WNT5B: variants seen among roughly 807,000 people sequenced by gnomAD.
The protein encoded by WNT5B is protein Wnt-5b.
Under a neutral mutation model 36.5 loss-of-function variants are expected in WNT5B, and 18 were observed. The observed-to-expected ratio is 0.49, with a 90% confidence interval of 0.34 to 0.73. WNT5B has a LOEUF of 0.73. WNT5B is among the 30% of genes least tolerant of loss of function. WNT5B has a pLI of 0.01. For missense variants in WNT5B, 424 were observed against 508.4 expected (o/e 0.83, Z 1.60); for synonymous variants, 213 against 212.3 (o/e 1.00, Z -0.03).
rs2094555857 is a variant in WNT5B at position 1,633,974 on chromosome 12, G to A, written c.328+1069G>A. On this transcript the variant is annotated intron_variant, in intron 3 of 4. Coordinates refer to ENST00000397196, the MANE Select transcript of WNT5B (RefSeq NM_032642.3). This position sits in a 1 kb window ranked among gnomAD's most constrained non-coding sequence, Gnocchi z 4.8. ...TAATCCCAGCACCTTGGGAGGCTGA[G>A]GCAGGAGGATTCCTTGAGGCCAGGA... Among the ~76,000 whole-genome samples the A allele has an allele frequency of 6.6e-6, 1 of 152,196 alleles. No individual in the cohort carries two copies. Among genetic ancestry groups the A allele is most frequent in the Non-Finnish European group, 1.5e-5 (1 of 68,038 alleles).
In WNT5B at chr12:1,622,338, T is replaced by G. The variant is rs187377517; in HGVS notation, c.-58+5195T>G. On this transcript the variant is annotated intron_variant, in intron 1 of 4. Transcript: ENST00000310594. ...TGTACTTTTCTGGGCAGGTTTTCTG[T>G]TTTCCCCAGCTAGACCAATGCACCT... Among the ~76,000 whole-genome samples the G allele has an allele frequency of 3.3e-5, 5 of 152,228 alleles. No individual in the cohort carries two copies. In the East Asian group the frequency reaches 9.7e-4, roughly 29 times the overall value.
At chr12:1,639,587 A>G in intron 3 of WNT5B, 97 bp from the exon 4 acceptor site, 1 of 1,346,592 alleles carries the variant, frequency 7.4e-7, no homozygotes, top group Non-Finnish European at 9.7e-7. Context: ...GTGTCAGCAG[A>G]GCCGTGGCGT....
chr12:1,643,654 C>T (rs2094579711), intron 4 of WNT5B, among the ~76,000 whole-genome samples: 1 of 150,566 alleles, frequency 6.6e-6, no homozygotes, highest in Non-Finnish European at 1.5e-5. Context: ...GCATAAGCCA[C>T]CATGCCCGGC....
chr12:1,622,829 A>G (rs913702066), intron 1 of WNT5B, among the ~76,000 whole-genome samples: 1 of 152,236 alleles, frequency 6.6e-6, no homozygotes, highest in Non-Finnish European at 1.5e-5. Context: ...TCCATGTCAC[A>G]TTAAATGCTG....
At chr12:1,620,704 AATTTT>A (rs1253835770) in intron 1 of WNT5B, among the ~76,000 whole-genome samples, 26 of 120,298 alleles carry the variant, frequency 2.2e-4, no homozygotes, top group Non-Finnish European at 2.2e-4. Context: ...ACACCCAGCA[AATTTT>A]TTTTTTTTTT....
chr12:1,622,246 G>A (rs562886834), intron 1 of WNT5B, among the ~76,000 whole-genome samples: 18 of 152,030 alleles, frequency 1.2e-4, no homozygotes, highest in East Asian at 3.9e-4. Context: ...GAGTCGCTGG[G>A]ACTACAGGCG....
chr12:1,619,161 T>A, intron 1 of WNT5B, among the ~76,000 whole-genome samples: 1 of 111,748 alleles, frequency 8.9e-6, no homozygotes, highest in Non-Finnish European at 1.7e-5. Flanking sequence ...TTTCTTCTCC[T>A]GCAAGCCAGA....
chr12:1,619,692 C>T (rs1406558077), intron 1 of WNT5B, among the ~76,000 whole-genome samples: 1 of 152,110 alleles, frequency 6.6e-6, no homozygotes, highest in East Asian at 1.9e-4. Flanking sequence ...GCCATATCCT[C>T]ATTTCCTGGA....
In WNT5B at chr12:1,646,157, G is replaced by T; in HGVS notation, c.985G>T (p.Val329Leu). 6.2e-7 allele frequency: 1 copy of T among 1,613,792 alleles called. No individual in the cohort carries two copies. The highest frequency in any genetic ancestry group is 8.5e-7 in the Non-Finnish European group (1 of 1,180,036). ...CGRGYNQFKS[V>L]QVERCHCKFH... is the part of the protein sequence containing the mutation. ...GCGTGGCTACAACCAGTTCAAGAGC[G>T]TGCAGGTGGAGCGCTGCCACTGCAA... Residue 329 changes from valine to leucine, a missense_variant, in exon 5 of 5, where the codon GTG becomes TTG. By Grantham distance (32) the Val-to-Leu change is conservative. Transcript: ENST00000397196.
At chr12:1,639,618 G>T (rs1036969086) in intron 3 of WNT5B, 66 bp from the exon 4 acceptor site, 19 of 1,420,452 alleles carry the variant, frequency 1.3e-5, no homozygotes, top group African/African-American at 4.6e-5. Context: ...CGGGGGAGAC[G>T]GGGGGAAGGA....
chr12:1,627,193 G>A (rs1464222625), upstream of WNT5B, among the ~76,000 whole-genome samples: 1 of 152,210 alleles, frequency 6.6e-6, no homozygotes, highest in African/African-American at 2.4e-5. This position sits in a 1 kb window ranked among gnomAD's most constrained non-coding sequence, Gnocchi z 5.0. Flanking sequence ...CTTGGAAGGT[G>A]TGGCCTCAGT....
Position 1,646,042 on chromosome 12 carries a change from C to G in WNT5B, c.870C>G (p.Arg290=), listed in dbSNP as rs760873183. The G allele has an allele frequency of 6.2e-7, 1 of 1,613,364 alleles. No individual in the cohort carries two copies. Among genetic ancestry groups the G allele is most frequent in the East Asian group, 2.2e-5 (1 of 44,884 alleles). Residue 290 remains arginine, a synonymous_variant, in exon 5 of 5, where the codon CGC becomes CGG. Coordinates refer to ENST00000397196, the MANE Select transcript of WNT5B (RefSeq NM_032642.3). ...ACCCCAGCCCCGACTACTGCCTGCG[C>G]AACGAGAGCACGGGCTCCCTGGGCA... ...YVDPSPDYCL[R]NESTGSLGTQ...
rs570511847 is a variant in WNT5B, at chr12:1,645,991, C to T, written c.819C>T (p.Pro273=). The T allele has an allele frequency of 1.6e-5, 26 of 1,611,754 alleles. No homozygotes were observed. The Admixed American group carries it at 3.7e-4, about 23-fold the overall frequency. ...TGGTCAACAGCCGCTTCACCCAGCCCACCCCGGAGGACCTGGTCTATGTGG... is the reference window on the plus strand; with the variant it reads ...TGGTCAACAGCCGCTTCACCCAGCCTACCCCGGAGGACCTGGTCTATGTGG... ...LELVNSRFTQ[P]TPEDLVYVDP... The change falls in exon 5 of 5, where the codon CCC becomes CCT. Residue 273 remains proline, a synonymous_variant. Transcript: ENST00000397196.
chr12:1,623,637 G>A (rs547512003), intron 1 of WNT5B, among the ~76,000 whole-genome samples: 1 of 152,094 alleles, frequency 6.6e-6, no homozygotes, highest in Non-Finnish European at 1.5e-5. Flanking sequence ...ATAGTTTCTT[G>A]GTGAGTTTCA....
rs12300239 is a variant in WNT5B at position 1,639,238 on chromosome 12, C to T, written c.329-446C>T. Among the ~76,000 whole-genome samples, 50 of 150,492 alleles carry T rather than the reference C, an allele frequency of 3.3e-4. 1 individual carries two copies. The highest frequency in any genetic ancestry group is 4.9e-4 in the Non-Finnish European group (33 of 67,368). On this transcript the variant is annotated intron_variant, in intron 3 of 4. Transcript: ENST00000397196. Reference sequence around the variant, plus strand: ...CTGCAAGCTCCGCCTCCCGGGTTCACGCCATTCTCCTGCCTCAGCCTCCCG... The same window carrying T: ...CTGCAAGCTCCGCCTCCCGGGTTCATGCCATTCTCCTGCCTCAGCCTCCCG...
At chr12:1,626,654 T>C (rs1289249635), upstream of WNT5B, among the ~76,000 whole-genome samples, 1 of 151,360 alleles carries the variant, frequency 6.6e-6, no homozygotes, top group Non-Finnish European at 1.5e-5. Context: ...ACGCTCCGCC[T>C]CCCAGGTTCA....
intron 1 of WNT5B, among the ~76,000 whole-genome samples, chr12:1,623,260 G>A (rs1354328722): frequency 7.4e-6 from 1 of 135,954 alleles, no homozygotes; most frequent in African/African-American, 2.8e-5. Context: ...CAGTGGCACA[G>A]TCTCGGCTCA....
rs115129486 is a variant in WNT5B at position 1,646,057 on chromosome 12, C to T, written c.885C>T (p.Gly295=). The change falls in exon 5 of 5, where the codon GGC becomes GGT. Residue 295 remains glycine, a synonymous_variant. Transcript: ENST00000397196. ...ACTGCCTGCGCAACGAGAGCACGGG[C>T]TCCCTGGGCACGCAGGGCCGCCTCT... ...PDYCLRNEST[G]SLGTQGRLCN... The T allele has an allele frequency of 3.6e-4, 582 of 1,613,604 alleles. 3 individuals carry two copies. In the African/African-American group the frequency reaches 7.3e-3, roughly 20 times the overall value.
intron 1 of WNT5B, among the ~76,000 whole-genome samples, chr12:1,622,272 G>T (rs1034308991): frequency 1.3e-5 from 2 of 151,922 alleles, no homozygotes; most frequent in Admixed American, 6.6e-5. Context: ...CACCACGCCC[G>T]GCTAATTTTT....
Sources: allele counts gnomAD v4.1 joint callset (sites outside exome capture counted in the v4.1 genomes callset), GRCh38; gene constraint gnomAD v4.1.1; non-coding constraint Gnocchi (gnomAD v3.1); transcripts MANE v1.5; gene names NCBI Gene and HGNC (gene_info 2026-07-23, HGNC 2026-07-21).